The following JPH3 variants were observed in gnomAD, a reference collection of about 807,000 sequenced individuals.
JPH3 encodes the protein junctophilin 3.
In JPH3, 11 loss-of-function variants were observed where a neutral mutation model predicts 59.6. That is an observed-to-expected ratio of 0.18 (90% CI 0.12 to 0.31). The LOEUF (loss-of-function observed/expected upper bound fraction) is 0.31, where lower values mean the gene tolerates loss of function less well. Among genes scored for constraint, JPH3 ranks in the 10% least tolerant of loss-of-function variants. The pLI is 1.00. For synonymous variants in JPH3, 673 were observed against 483.6 expected, an observed-to-expected ratio of 1.39 and a Z score of -5.14; for missense variants, 1,202 against 1,105.7, an observed-to-expected ratio of 1.09 and a Z score of -1.24.
intron 2 of JPH3, among the ~76,000 whole-genome samples, chr16:87,657,210 G>T (rs944409607): frequency 6.6e-6 from 1 of 152,174 alleles, no homozygotes; most frequent in Non-Finnish European, 1.5e-5. Flanking sequence ...AAAGGAGGAG[G>T]CCAAACTGAC....
At chr16:87,676,363 G>A (rs547326772) in intron 2 of JPH3, among the ~76,000 whole-genome samples, 1 of 152,280 alleles carries the variant, frequency 6.6e-6, no homozygotes, top group South Asian at 2.1e-4. Flanking sequence ...TGCATTAAGT[G>A]GCTCTGTGAC....
chr16:87,644,414 A>G lies in JPH3; in HGVS notation c.539A>G (p.Asp180Gly), dbSNP rs753197000. Residue 180 changes from aspartate to glycine, a missense_variant, in exon 2 of 5, where the codon GAC becomes GGC. Coordinates refer to ENST00000284262, the MANE Select transcript of JPH3 (RefSeq NM_020655.4). The stretch of plus-strand genomic sequence containing the variant: ...ACCAACGGCACGGCGCTGCATCCCG[A>G]CGCCTCTCCGGCGGTGGCCGGCAGC... ...EHTNGTALHP[D>G]ASPAVAGSPA... 6.2e-7 allele frequency: 1 copy of G among 1,612,224 alleles called. No homozygotes were observed. Among genetic ancestry groups the G allele is most frequent in the South Asian group, 1.1e-5 (1 of 91,016 alleles).
At chr16:87,686,375 A>G (rs964543248) in intron 3 of JPH3, among the ~76,000 whole-genome samples, 1 of 123,904 alleles carries the variant, frequency 8.1e-6, no homozygotes, top group African/African-American at 3.4e-5. Context: ...TTCAGAGGAG[A>G]TGCTTCCCAG....
At chr16:87,679,225 A>G (rs1384618334) in intron 2 of JPH3, among the ~76,000 whole-genome samples, 1 of 152,040 alleles carries the variant, frequency 6.6e-6, no homozygotes, top group African/African-American at 2.4e-5. Flanking sequence ...CACTTCCTTT[A>G]TTGCTTAGGG....
At chr16:87,624,839 G>T (rs1381798373) in intron 1 of JPH3, among the ~76,000 whole-genome samples, 1 of 152,190 alleles carries the variant, frequency 6.6e-6, no homozygotes, top group African/African-American at 2.4e-5. Context: ...CACTCTTGTT[G>T]CCCAGGCTGG....
intron 2 of JPH3, among the ~76,000 whole-genome samples, chr16:87,649,619 C>T (rs1167850981): frequency 1.3e-5 from 2 of 152,216 alleles, no homozygotes. Flanking sequence ...TCTGCCACAA[C>T]AACTCTCACA....
chr16:87,627,895 C>G (rs1363558316), intron 1 of JPH3, among the ~76,000 whole-genome samples: 1 of 152,224 alleles, frequency 6.6e-6, no homozygotes, highest in African/African-American at 2.4e-5. Flanking sequence ...CACCCCGCCC[C>G]TCGCAGGGGT....
In JPH3 at chr16:87,640,910, A is replaced by G. The variant is rs559477689; in HGVS notation, c.383-3348A>G. ...TGTCCAGCTTGGACTGGCCATGGGAAGGCCACTGTGTGGGCGGGTCTGGCC... is the reference window on the plus strand; with the variant it reads ...TGTCCAGCTTGGACTGGCCATGGGAGGGCCACTGTGTGGGCGGGTCTGGCC... On this transcript the variant is annotated intron_variant, in intron 1 of 4. Coordinates refer to ENST00000284262, the MANE Select transcript of JPH3 (RefSeq NM_020655.4). Among the ~76,000 whole-genome samples the G allele has an allele frequency of 2.0e-3, 310 of 152,322 alleles. 2 individuals are homozygous for G. The highest frequency in any genetic ancestry group is 7.2e-3 in the African/African-American group (299 of 41,564).
intron 3 of JPH3, among the ~76,000 whole-genome samples, chr16:87,685,987 C>T (rs956860005): frequency 2.1e-4 from 32 of 152,218 alleles, no homozygotes; most frequent in African/African-American, 6.3e-4. Context: ...TAGATCCACG[C>T]GGCGTCCTTA....
chr16:87,661,000 G>A (rs1369396496), intron 2 of JPH3, among the ~76,000 whole-genome samples: 1 of 152,216 alleles, frequency 6.6e-6, no homozygotes, highest in Non-Finnish European at 1.5e-5. Flanking sequence ...TTAAGTTGTA[G>A]AATATTTGTA....
chr16:87,633,452 A>G (rs941801375), intron 1 of JPH3, among the ~76,000 whole-genome samples: 1 of 151,680 alleles, frequency 6.6e-6, no homozygotes, highest in African/African-American at 2.4e-5. Context: ...TCCGGCAGAC[A>G]TAACTATTCA....
intron 3 of JPH3, among the ~76,000 whole-genome samples, chr16:87,689,249 C>A (rs1214301638): frequency 1.3e-5 from 2 of 152,148 alleles, no homozygotes; most frequent in African/African-American, 4.8e-5. Flanking sequence ...AGCTCGGCCT[C>A]CCCAGACAGG....
chr16:87,665,126 C>A (rs8049028), intron 2 of JPH3, among the ~76,000 whole-genome samples: 158 of 152,228 alleles, frequency 1.0e-3, no homozygotes, highest in African/African-American at 3.6e-3. Context: ...GTCATGAGCA[C>A]CACAGTCTTT....
chr16:87,656,151 C>G (rs1045280298), intron 2 of JPH3, among the ~76,000 whole-genome samples: 1 of 152,236 alleles, frequency 6.6e-6, no homozygotes, highest in Non-Finnish European at 1.5e-5. Context: ...GCCCTGAGGG[C>G]GTCTCTGCCC....
In JPH3 at chr16:87,634,215, G is replaced by C. The variant is rs146502051; in HGVS notation, c.383-10043G>C. On this transcript the variant is annotated intron_variant, in intron 1 of 4. Transcript: ENST00000284262. ...CACTGTCACGTTGGACCTGTGCCCA[G>C]GGTCTGGTCCCTGATCTGTGAGGGT... 1.1e-4 allele frequency among the ~76,000 whole-genome samples: 16 copies of C among 152,318 alleles called. 1 individual carries two copies. In the East Asian group the frequency reaches 3.1e-3, roughly 29 times the overall value.
chr16:87,629,045 C>G (rs1367407961), intron 1 of JPH3, among the ~76,000 whole-genome samples: 1 of 152,092 alleles, frequency 6.6e-6, no homozygotes, highest in South Asian at 2.1e-4. Context: ...AAGGCTCCTT[C>G]CAGGCTCCAG....
rs2033368313 is a variant in JPH3, at chr16:87,684,424, C to T, written c.1285+158C>T. 4 of 1,242,722 alleles carry T rather than the reference C, an allele frequency of 3.2e-6. No individual in the cohort carries two copies. In the South Asian group the frequency reaches 6.1e-5, roughly 19 times the overall value. The allele number at this position is 1,242,722 out of a possible 1,614,324, so 77.0% of individuals were successfully genotyped here. A position where few individuals can be genotyped will look rare whatever the true frequency, so the allele number is the denominator to read the frequency against. Reference sequence around the variant, plus strand: ...GTGTCTTCCTCTCCCGCCGAAGGTGCTTGTTTGTGCCAAGGCCTGGCCTGG... The same window carrying T: ...GTGTCTTCCTCTCCCGCCGAAGGTGTTTGTTTGTGCCAAGGCCTGGCCTGG... On this transcript the variant is annotated intron_variant, in intron 3 of 4. Transcript: ENST00000284262.
intron 3 of JPH3, among the ~76,000 whole-genome samples, chr16:87,688,746 C>T (rs143675567): frequency 2.6e-4 from 39 of 152,258 alleles, no homozygotes; most frequent in Admixed American, 8.5e-4. Context: ...GAGCCTAGGA[C>T]GCTACTTGAG....
chr16:87,671,689 G>C (rs2033019742), intron 2 of JPH3, among the ~76,000 whole-genome samples: 1 of 151,974 alleles, frequency 6.6e-6, no homozygotes, highest in African/African-American at 2.4e-5. Context: ...CCCAGTGCTG[G>C]GGTCCCCCAC....
Sources: allele counts gnomAD v4.1 joint callset (sites outside exome capture counted in the v4.1 genomes callset), GRCh38; gene constraint gnomAD v4.1.1; transcripts MANE v1.5; gene names NCBI Gene and HGNC (gene_info 2026-07-23, HGNC 2026-07-21).